Variants in APBB1IP observed in about 807,000 individuals in gnomAD.
APBB1IP encodes amyloid beta precursor protein binding family B member 1 interacting protein, also known as amyloid beta A4 precursor protein-binding family B member 1-interacting protein.
APBB1IP carries 27 observed loss-of-function variants against 64.9 expected under a neutral mutation model. The ratio of observed to expected loss-of-function variants is 0.42; its 90% CI spans 0.31 to 0.57. The LOEUF (loss-of-function observed/expected upper bound fraction) is 0.57, where lower values mean the gene tolerates loss of function less well. Among genes scored for constraint, APBB1IP ranks in the 20% least tolerant of loss-of-function variants. The pLI is 0.20. For synonymous variants in APBB1IP, 392 were observed against 331.0 expected (o/e 1.18, Z -2.00); for missense variants, 812 against 845.5 (o/e 0.96, Z 0.49).
intron 14 of APBB1IP, among the ~76,000 whole-genome samples, chr10:26,564,530 T>G (rs1837015270): frequency 1.3e-5 from 2 of 152,128 alleles, no homozygotes; most frequent in Non-Finnish European, 2.9e-5. Context: ...TGTCCAGACA[T>G]AGTGGCTCAC....
intron 2 of APBB1IP, among the ~76,000 whole-genome samples, chr10:26,447,941 G>A (rs1286251521): frequency 6.6e-6 from 1 of 151,990 alleles, no homozygotes; most frequent in Non-Finnish European, 1.5e-5. Flanking sequence ...CAACTGTGAT[G>A]TTAATTTTAA....
Position 26,567,316 on chromosome 10 carries a change from C to T in APBB1IP, c.1829C>T (p.Pro610Leu). The T allele has an allele frequency of 1.6e-6, 2 of 1,218,634 alleles. No homozygotes were observed. Among genetic ancestry groups the T allele is most frequent in the Non-Finnish European group, 2.1e-6 (2 of 961,786 alleles). 75.5% of individuals were successfully genotyped at this position (1,218,634 alleles called of 1,614,324 possible). ...CCGCCGCCGCCGCCCGCGCCCGCGC[C>T]CGCCCCCGTCCCCGACTCCGCCAGG... ...PPPPPPPAPA[P>L]APVPDSARPP... The change falls in exon 15 of 15, where the codon CCC (proline) becomes CTC (leucine). Residue 610 changes from proline to leucine, a missense_variant. Physicochemically the swap from Pro to Leu is moderately conservative, Grantham distance 98 (BLOSUM62 -3). Around this residue, in one of 3 missense-constraint regions of APBB1IP, gnomAD observed 381 missense variants for 352.1 expected, o/e 1.08. Transcript: ENST00000376236.
intron 2 of APBB1IP, among the ~76,000 whole-genome samples, chr10:26,483,960 A>AT (rs1255510997): frequency 6.6e-6 from 1 of 152,124 alleles, no homozygotes; most frequent in Non-Finnish European, 1.5e-5. Flanking sequence ...GTGCTCTGAA[A>AT]TTTTCATTCT....
chr10:26,490,334 A>G (rs1051611123), intron 2 of APBB1IP, among the ~76,000 whole-genome samples: 5 of 152,168 alleles, frequency 3.3e-5, no homozygotes, highest in Admixed American at 6.6e-5. Context: ...TTTAGAAAGT[A>G]TCTTTATGGG....
intron 11 of APBB1IP, among the ~76,000 whole-genome samples, chr10:26,559,294 T>C (rs1201279410): frequency 1.3e-5 from 2 of 152,194 alleles, no homozygotes; most frequent in African/African-American, 4.8e-5. Context: ...CAAGGGATGG[T>C]GGCTCATGCC....
intron 2 of APBB1IP, among the ~76,000 whole-genome samples, chr10:26,476,298 C>G (rs1835774659): frequency 6.6e-6 from 1 of 151,074 alleles, no homozygotes; most frequent in African/African-American, 2.4e-5. Flanking sequence ...ATTTTTTTAA[C>G]TAGCTGGGCA....
Position 26,567,534 on chromosome 10 carries a change from C to T in APBB1IP, c.*46C>T, listed in dbSNP as rs761497619. ...CCAGAGGGAGAAGCATCGCTGACCCCGAGCGCAGGTTTTGCTAGCAGATTG... is the reference window on the plus strand; with the variant it reads ...CCAGAGGGAGAAGCATCGCTGACCCTGAGCGCAGGTTTTGCTAGCAGATTG... On this transcript the variant is annotated 3_prime_UTR_variant, in exon 15 of 15. Transcript: ENST00000376236. The T allele has an allele frequency of 1.5e-5, 23 of 1,517,320 alleles. No homozygotes were observed. The highest frequency in any genetic ancestry group is 2.0e-5 in the Non-Finnish European group (22 of 1,117,180). 94.0% of individuals were successfully genotyped at this position (1,517,320 alleles called of 1,614,324 possible).
chr10:26,527,031 A>G (rs1836483455), intron 8 of APBB1IP, among the ~76,000 whole-genome samples: 1 of 152,224 alleles, frequency 6.6e-6, no homozygotes, highest in Non-Finnish European at 1.5e-5. Flanking sequence ...ACCTTGTGGC[A>G]TCATTCTTCC....
chr10:26,525,103 G>A (rs769373206), intron 8 of APBB1IP, among the ~76,000 whole-genome samples: 1 of 151,182 alleles, frequency 6.6e-6, no homozygotes, highest in Non-Finnish European at 1.5e-5. Flanking sequence ...GGCAACATGT[G>A]AGACCTCATC....
intron 2 of APBB1IP, among the ~76,000 whole-genome samples, chr10:26,477,716 G>T (rs1475290337): frequency 6.6e-6 from 1 of 152,170 alleles, no homozygotes; most frequent in East Asian, 1.9e-4. Flanking sequence ...CCCCTGTGGA[G>T]CTTGAGTGAA....
intron 8 of APBB1IP, among the ~76,000 whole-genome samples, chr10:26,532,004 A>G (rs1372857066): frequency 6.6e-6 from 1 of 152,200 alleles, no homozygotes; most frequent in Non-Finnish European, 1.5e-5. Context: ...AATCATCTGG[A>G]AAGCATATTG....
chr10:26,472,997 C>A (rs1220036876), intron 2 of APBB1IP, among the ~76,000 whole-genome samples: 1 of 151,862 alleles, frequency 6.6e-6, no homozygotes, highest in Non-Finnish European at 1.5e-5. Context: ...AGGTACATAT[C>A]ATTTCTTCTT....
intron 2 of APBB1IP, among the ~76,000 whole-genome samples, chr10:26,473,927 C>T (rs1043128464): frequency 1.4e-5 from 2 of 148,028 alleles, no homozygotes; most frequent in South Asian, 4.2e-4. Flanking sequence ...GCTTGAACGC[C>T]GGAGGCAGAG....
chr10:26,567,160 C>T lies in APBB1IP; in HGVS notation c.1673C>T (p.Pro558Leu). ...CCCGACGACTTCCTGCCGCCGCCGC[C>T]ACCGCCGCCGCCCCTCGATGACCCT... The part of the protein sequence containing the change: ...APPDDFLPPP[P>L]PPPPLDDPEL... The change falls in exon 15 of 15, where the codon CCA becomes CTA. Residue 558 changes from proline to leucine, a missense_variant. By Grantham distance (98) the Pro-to-Leu change is moderately conservative. This residue lies in a region of APBB1IP where 381 missense variants were observed against 352.1 expected (regional missense o/e 1.08). Transcript: ENST00000376236. 1 of 1,416,012 alleles carries T rather than the reference C, an allele frequency of 7.1e-7. No homozygotes were observed. Among genetic ancestry groups the T allele is most frequent in the Non-Finnish European group, 9.2e-7 (1 of 1,092,458 alleles). The allele number at this position is 1,416,012 out of a possible 1,614,324, so 87.7% of individuals were successfully genotyped here.
At chr10:26,440,037 G>A (rs1050973261) in intron 2 of APBB1IP, among the ~76,000 whole-genome samples, 5 of 152,170 alleles carry the variant, frequency 3.3e-5, no homozygotes, top group African/African-American at 1.2e-4. Context: ...TCTGCTCAAC[G>A]TGTGTTGTGA....
At chr10:26,499,417 C>A (rs1836068600) in intron 4 of APBB1IP, among the ~76,000 whole-genome samples, 1 of 152,112 alleles carries the variant, frequency 6.6e-6, no homozygotes, top group South Asian at 2.1e-4. Flanking sequence ...GTACTGTAAA[C>A]TAGCACTATT....
At chr10:26,524,686 A>G (rs1800297026) in intron 8 of APBB1IP, among the ~76,000 whole-genome samples, 1 of 152,138 alleles carries the variant, frequency 6.6e-6, no homozygotes, top group African/African-American at 2.4e-5. Flanking sequence ...TGAGTTAGCA[A>G]TTGGTTGAAA....
Position 26,567,190 on chromosome 10 carries a change from TC to T in APBB1IP, c.1706del (p.Pro569ArgfsTer87). 7.2e-7 allele frequency: 1 copy of T among 1,389,156 alleles called. No individual in the cohort carries two copies. The highest frequency in any genetic ancestry group is 1.4e-5 in the South Asian group (1 of 69,530). The allele number at this position is 1,389,156 out of a possible 1,614,324, so 86.1% of individuals were successfully genotyped here. A position where few individuals can be genotyped will look rare whatever the true frequency, so the allele number is the denominator to read the frequency against. ...PPPPPLDDPE[L>X]PPPPPDFMEP... ...CCGCCGCCCCTCGATGACCCTGAGC[TC>T]CCGCCGCCGCCCCCGGACTTCATGG... On this transcript the variant is annotated frameshift_variant, in exon 15 of 15. Coordinates refer to ENST00000376236, the MANE Select transcript of APBB1IP (RefSeq NM_019043.4). LOFTEE classifies it low-confidence loss of function (END_TRUNC).
chr10:26,522,121 T>C (rs1836409723), intron 8 of APBB1IP, among the ~76,000 whole-genome samples: 1 of 152,204 alleles, frequency 6.6e-6, no homozygotes, highest in Non-Finnish European at 1.5e-5. Flanking sequence ...AAAAAAACTA[T>C]TCAACGGAAT....
Sources: allele counts gnomAD v4.1 joint callset (sites outside exome capture counted in the v4.1 genomes callset), GRCh38; gene constraint gnomAD v4.1.1; regional missense constraint gnomAD v4.1.1; transcripts MANE v1.5; gene names NCBI Gene and HGNC (gene_info 2026-07-23, HGNC 2026-07-21).